The following TRPC4AP variants were observed in gnomAD, a reference collection of about 807,000 sequenced individuals.
The protein encoded by TRPC4AP is short transient receptor potential channel 4-associated protein.
Under a neutral mutation model 99.0 loss-of-function variants are expected in TRPC4AP, and 45 were observed. That is an observed-to-expected ratio of 0.45 (90% CI 0.36 to 0.58). The LOEUF is 0.58. Among genes scored for constraint, TRPC4AP ranks in the 20% least tolerant of loss-of-function variants. The probability of loss-of-function intolerance (pLI) is 0.00; values close to 1 mark genes in which losing one functional copy is unlikely to be tolerated. For synonymous variants in TRPC4AP, 408 were observed against 385.8 expected, an observed-to-expected ratio of 1.06 and a Z score of -0.67; for missense variants, 879 against 985.3, an observed-to-expected ratio of 0.89 and a Z score of 1.44.
chr20:35,092,577 T>G (rs2085105321), intron 1 of TRPC4AP, 37 bp downstream of exon 1: 1 of 1,426,518 alleles, frequency 7.0e-7, no homozygotes, highest in African/African-American at 1.5e-5. Context: ...TCCCGCCTGG[T>G]CCGCCCCGCC....
At chr20:35,049,445 C>T (rs1049907298) in intron 6 of TRPC4AP, among the ~76,000 whole-genome samples, 23 of 151,632 alleles carry the variant, frequency 1.5e-4, no homozygotes, top group African/African-American at 5.6e-4. Context: ...CCAAGGAGAA[C>T]ATATCCTAAT....
At chr20:35,043,341 G>A (rs1188735665) in intron 7 of TRPC4AP, among the ~76,000 whole-genome samples, 3 of 151,834 alleles carry the variant, frequency 2.0e-5, no homozygotes, top group Admixed American at 6.6e-5. Flanking sequence ...CTGCCTCCTG[G>A]GTTCAAGCAA....
intron 8 of TRPC4AP, among the ~76,000 whole-genome samples, chr20:35,024,825 C>CCAAAAAAAAAAAA (rs1555904985): frequency 0.044 from 1,544 of 35,438 alleles, 366 homozygotes; most frequent in East Asian, 0.067. Flanking sequence ...GAGACCGTCT[C>CCAAAAAAAAAAAA]AAAAAAAAAA....
chr20:35,074,559 T>C (rs1267369515), intron 2 of TRPC4AP, among the ~76,000 whole-genome samples: 1 of 152,204 alleles, frequency 6.6e-6, no homozygotes, highest in African/African-American at 2.4e-5. Flanking sequence ...GGTTGTTCAG[T>C]TTCCACGTAG....
chr20:35,081,292 C>A (rs1310167807), intron 1 of TRPC4AP, among the ~76,000 whole-genome samples: 1 of 151,766 alleles, frequency 6.6e-6, no homozygotes, highest in Non-Finnish European at 1.5e-5. Context: ...ACAGACAGAT[C>A]ACTTGAGCCC....
chr20:35,002,420 G>GTTA lies in TRPC4AP; in HGVS notation c.*723_*725dup, dbSNP rs1555899330. The GTTA allele has an allele frequency of 1.4e-5, 6 of 421,132 alleles. No individual in the cohort carries two copies. The highest frequency in any genetic ancestry group is 1.2e-4 in the African/African-American group (6 of 48,752). 26.1% of individuals were successfully genotyped at this position (421,132 alleles called of 1,614,324 possible). On this transcript the variant is annotated 3_prime_UTR_variant, in exon 19 of 19. Coordinates refer to ENST00000252015, the MANE Select transcript of TRPC4AP (RefSeq NM_015638.3). ...CCACAGCAGTCATTTTTAAAATAAAGTTATTTAATAGTCTCCATTTAATTG... is the reference window on the plus strand; with the variant it reads ...CCACAGCAGTCATTTTTAAAATAAAGTTATTATTTAATAGTCTCCATTTAATTG...
intron 13 of TRPC4AP, among the ~76,000 whole-genome samples, chr20:35,008,025 C>T (rs1179699346): frequency 1.3e-5 from 2 of 152,166 alleles, no homozygotes; most frequent in African/African-American, 2.4e-5. Context: ...TGCAGACAGG[C>T]CACTGGGCTC....
At chr20:35,091,653 T>C (rs1294289198) in intron 1 of TRPC4AP, among the ~76,000 whole-genome samples, 1 of 152,186 alleles carries the variant, frequency 6.6e-6, no homozygotes, top group Non-Finnish European at 1.5e-5. Context: ...GAAGAAGTAG[T>C]GGACTAGGTC....
intron 1 of TRPC4AP, among the ~76,000 whole-genome samples, chr20:35,088,076 G>C (rs2084936870): frequency 6.6e-6 from 1 of 152,184 alleles, no homozygotes; most frequent in Non-Finnish European, 1.5e-5. Context: ...AGAAACTTAG[G>C]ATCCGTCAGC....
chr20:35,034,151 C>CAAAAAAA (rs59579695), intron 8 of TRPC4AP, among the ~76,000 whole-genome samples: 1 of 6,232 alleles, frequency 1.6e-4, no homozygotes, highest in Admixed American at 5.7e-3. Context: ...GACTCCGTCT[C>CAAAAAAA]AAAAAAAAAA....
At chr20:35,019,943 A>G (rs2082848667) in intron 9 of TRPC4AP, among the ~76,000 whole-genome samples, 1 of 152,102 alleles carries the variant, frequency 6.6e-6, no homozygotes, top group Admixed American at 6.5e-5. Flanking sequence ...TGTACAAAAC[A>G]CAACTCCCCA....
intron 7 of TRPC4AP, among the ~76,000 whole-genome samples, chr20:35,038,949 C>CT (rs988439975): frequency 8.5e-5 from 13 of 152,210 alleles, no homozygotes; most frequent in African/African-American, 3.1e-4. Flanking sequence ...TGGCGCATGC[C>CT]TGTAGTCCCA....
intron 7 of TRPC4AP, among the ~76,000 whole-genome samples, chr20:35,036,312 A>G (rs924899041): frequency 6.6e-6 from 1 of 152,252 alleles, no homozygotes; most frequent in African/African-American, 2.4e-5. Context: ...GTAAACAGCC[A>G]TAAGATGGAA....
chr20:35,062,204 T>C (rs755956691), intron 3 of TRPC4AP, among the ~76,000 whole-genome samples: 1 of 152,182 alleles, frequency 6.6e-6, no homozygotes, highest in Non-Finnish European at 1.5e-5. Flanking sequence ...CTGGTAGATA[T>C]GTAAAATGGT....
At chr20:35,060,847 A>G (rs1165356173) in intron 3 of TRPC4AP, among the ~76,000 whole-genome samples, 1 of 152,158 alleles carries the variant, frequency 6.6e-6, no homozygotes, top group Non-Finnish European at 1.5e-5. Context: ...CTTCAGCCTG[A>G]TAAAGGGCTT....
intron 15 of TRPC4AP, among the ~76,000 whole-genome samples, chr20:35,006,011 A>T (rs909739958): frequency 1.3e-5 from 2 of 151,908 alleles, no homozygotes; most frequent in Non-Finnish European, 2.9e-5. Context: ...CAGATCCGAC[A>T]CTCTCTCCAG....
chr20:35,086,541 G>GTATA lies in TRPC4AP; in HGVS notation c.168+6072_168+6073insTATA, dbSNP rs1569158081. Among the ~76,000 whole-genome samples, 11 of 19,534 alleles carry GTATA rather than the reference G, an allele frequency of 5.6e-4. 1 individual carries two copies. Among genetic ancestry groups the GTATA allele is most frequent in the African/African-American group, 1.6e-3 (9 of 5,688 alleles). The allele number at this position is 19,534 out of a possible 152,430, so 12.8% of individuals were successfully genotyped here. On this transcript the variant is annotated intron_variant, in intron 1 of 18. Coordinates refer to ENST00000252015, the MANE Select transcript of TRPC4AP (RefSeq NM_015638.3). ...TGTGTATATATGTGTGTGTGTGTGTGTGTGTGTGTGTGTGTGTGTGTGTGT... is the reference window on the plus strand; with the variant it reads ...TGTGTATATATGTGTGTGTGTGTGTGTATATGTGTGTGTGTGTGTGTGTGTGTGT...
intron 7 of TRPC4AP, 108 bp from the exon 8 acceptor site, chr20:35,035,416 A>AGT: frequency 1.7e-6 from 2 of 1,167,310 alleles, no homozygotes; most frequent in Non-Finnish European, 2.4e-6. Flanking sequence ...TTACTCTGAT[A>AGT]GTAGCTAAAG....
chr20:35,005,850 T>A, intron 15 of TRPC4AP, 47 bp from the exon 16 acceptor site: 1 of 1,559,796 alleles, frequency 6.4e-7, no homozygotes, highest in Non-Finnish European at 8.8e-7. Flanking sequence ...GCTGGCCAGG[T>A]ATGGCCATGG....
Sources: allele counts gnomAD v4.1 joint callset (sites outside exome capture counted in the v4.1 genomes callset), GRCh38; gene constraint gnomAD v4.1.1; transcripts MANE v1.5; gene names NCBI Gene and HGNC (gene_info 2026-07-23, HGNC 2026-07-21).